The following GPHN variants were observed in gnomAD, a reference collection of about 807,000 sequenced individuals.
GPHN encodes gephyrin.
A neutral mutation model predicts 95.5 loss-of-function variants in GPHN; 17 were observed. The ratio of observed to expected loss-of-function variants is 0.18; its 90% CI spans 0.12 to 0.27. GPHN has a LOEUF of 0.27. Among genes scored for constraint, GPHN ranks in the 10% least tolerant of loss-of-function variants. The pLI is 1.00. For synonymous variants in GPHN, 320 were observed against 322.5 expected, an observed-to-expected ratio of 0.99 and a Z score of 0.08; for missense variants, 660 against 978.1, an observed-to-expected ratio of 0.67 and a Z score of 4.34.
At chr14:67,322,737 A>G in the GPHN span, among the ~76,000 whole-genome samples, 1 of 150,150 alleles carries the variant, frequency 6.7e-6, no homozygotes, top group South Asian at 2.2e-4. Context: ...ATTTCTCCAG[A>G]AAAAAGGGCT....
chr14:66,580,082 G>A (rs537631999), intron 1 of GPHN, among the ~76,000 whole-genome samples: 2 of 151,870 alleles, frequency 1.3e-5, no homozygotes, highest in South Asian at 4.1e-4. Context: ...TCAAAAAATT[G>A]CAAATATATG....
intron 19 of GPHN, among the ~76,000 whole-genome samples, chr14:67,161,515 AT>A (rs888316575): frequency 6.6e-6 from 1 of 152,078 alleles, no homozygotes; most frequent in Non-Finnish European, 1.5e-5. Context: ...TAATCCCAGC[AT>A]TTTGGGAGGC....
At chr14:66,824,045 T>G (rs2061305757) in intron 3 of GPHN, among the ~76,000 whole-genome samples, 1 of 152,174 alleles carries the variant, frequency 6.6e-6, no homozygotes, top group Non-Finnish European at 1.5e-5. Flanking sequence ...TTAAGCACAT[T>G]GTACTTCAGT....
At chr14:67,056,872 G>A (rs933971693) in intron 10 of GPHN, among the ~76,000 whole-genome samples, 6 of 152,192 alleles carry the variant, frequency 3.9e-5, no homozygotes, top group East Asian at 1.9e-4. Flanking sequence ...GCAAGGAGGC[G>A]GCTGAGGCCC....
At chr14:67,280,476 A>C in the GPHN span, among the ~76,000 whole-genome samples, 1 of 152,210 alleles carries the variant, frequency 6.6e-6, no homozygotes, top group Non-Finnish European at 1.5e-5. Flanking sequence ...TGTTTTAGCA[A>C]ACATTGTTTC....
chr14:67,376,874 C>A, the GPHN span, among the ~76,000 whole-genome samples: 1 of 152,140 alleles, frequency 6.6e-6, no homozygotes, highest in Non-Finnish European at 1.5e-5. Context: ...AAACTATAAC[C>A]TCTTGTTTTC....
At chr14:66,629,703 A>G (rs1371441521) in intron 1 of GPHN, among the ~76,000 whole-genome samples, 2 of 152,140 alleles carry the variant, frequency 1.3e-5, no homozygotes, top group African/African-American at 4.8e-5. Flanking sequence ...TCATGTAGGA[A>G]TGCCTTTTAC....
intron 1 of GPHN, among the ~76,000 whole-genome samples, chr14:66,595,860 G>T (rs2061951648): frequency 6.6e-6 from 1 of 152,186 alleles, no homozygotes; most frequent in African/African-American, 2.4e-5. Flanking sequence ...TGCTCTTTCA[G>T]TCGTGCCGTT....
the GPHN span, among the ~76,000 whole-genome samples, chr14:67,250,349 CA>C: frequency 6.6e-6 from 1 of 152,104 alleles, no homozygotes; most frequent in Non-Finnish European, 1.5e-5. Context: ...CATTTATGCT[CA>C]GAAGTACTAG....
At chr14:67,176,105 A>T (rs982473928) in intron 21 of GPHN, among the ~76,000 whole-genome samples, 2 of 152,176 alleles carry the variant, frequency 1.3e-5, no homozygotes, top group Non-Finnish European at 2.9e-5. Context: ...CAGAACTTCC[A>T]ATACTATGTT....
At chr14:67,192,435 G>T in the GPHN span, among the ~76,000 whole-genome samples, 1 of 151,890 alleles carries the variant, frequency 6.6e-6, no homozygotes, top group East Asian at 1.9e-4. Context: ...AGTCACCAAA[G>T]TTAATTATGA....
At chr14:67,056,092 A>G (rs1179350313) in intron 10 of GPHN, among the ~76,000 whole-genome samples, 1 of 152,242 alleles carries the variant, frequency 6.6e-6, no homozygotes, top group Non-Finnish European at 1.5e-5. Flanking sequence ...CTTCCACAGC[A>G]TGGAGGGGGA....
intron 13 of GPHN, among the ~76,000 whole-genome samples, chr14:67,101,189 CT>C (rs1471652507): frequency 6.7e-6 from 1 of 149,646 alleles, no homozygotes. Flanking sequence ...TCTTTTTTTC[CT>C]GAAAAAAAAA....
At chr14:67,650,624 C>T in the GPHN span, 7 of 1,204,670 alleles carry the variant, frequency 5.8e-6, no homozygotes, top group East Asian at 1.6e-4. Context: ...CTTGTTTTTA[C>T]TTTGGCTTGT....
chr14:66,613,515 A>G (rs186610270), intron 1 of GPHN, among the ~76,000 whole-genome samples: 1 of 152,252 alleles, frequency 6.6e-6, no homozygotes. Flanking sequence ...TATGTTCCAC[A>G]TCAGCTGAGA....
At chr14:67,620,972 T>A in the GPHN span, 1 of 1,613,768 alleles carries the variant, frequency 6.2e-7, no homozygotes, top group Admixed American at 1.7e-5. Flanking sequence ...TTTGGGTAAG[T>A]GGTTAGATTT....
At position 66,623,525 on chromosome 14, in the gene GPHN, C is replaced by T. The variant is rs534920599; in HGVS notation, c.65-57582C>T. ...CCCAGTTACTTGGGATGCTGAGGCA[C>T]GAGAATCACTTGAACCCAGGAGATG... On this transcript the variant is annotated intron_variant, in intron 1 of 22. Transcript: ENST00000478722. 7.8e-4 allele frequency among the ~76,000 whole-genome samples: 116 copies of T among 148,920 alleles called. 1 individual carries two copies. Among genetic ancestry groups the T allele is most frequent in the Middle Eastern group, 3.6e-3 (1 of 276 alleles).
At chr14:66,687,322 G>T (rs2067440274) in intron 2 of GPHN, among the ~76,000 whole-genome samples, 1 of 151,832 alleles carries the variant, frequency 6.6e-6, no homozygotes, top group South Asian at 2.1e-4. Context: ...GATTGCTTTG[G>T]CTATTCAGGG....
At chr14:66,661,590 A>G (rs1238126703) in intron 1 of GPHN, among the ~76,000 whole-genome samples, 1 of 152,214 alleles carries the variant, frequency 6.6e-6, no homozygotes, top group Non-Finnish European at 1.5e-5. Flanking sequence ...CAAACCGACC[A>G]GGGCAGAAGG....
Sources: gnomAD v4.1 joint callset for allele counts (sites outside exome capture counted in the v4.1 genomes callset) on GRCh38, gnomAD v4.1.1 for gene constraint, MANE v1.5 for transcripts, NCBI Gene and HGNC (gene_info 2026-07-23, HGNC 2026-07-21) for gene names.